Variants in DHX57 observed in about 807,000 individuals in gnomAD.
DHX57 encodes DExH-box helicase 57, also known as putative ATP-dependent RNA helicase DHX57.
In DHX57, 105 loss-of-function variants were observed where a neutral mutation model predicts 156.2. The observed-to-expected ratio is 0.67, with a 90% CI of 0.57 to 0.79. The LOEUF is 0.79. DHX57 is among the 30% of genes least tolerant of loss of function. The pLI is 0.00. For missense variants in DHX57, 1,847 were observed against 1,661.9 expected, an observed-to-expected ratio of 1.11 and a Z score of -1.94; for synonymous variants, 704 against 595.6, an observed-to-expected ratio of 1.18 and a Z score of -2.65.
At chr2:38,800,246 C>G (rs543256693) in intron 23 of DHX57, among the ~76,000 whole-genome samples, 1 of 149,922 alleles carries the variant, frequency 6.7e-6, no homozygotes, top group Non-Finnish European at 1.5e-5. Flanking sequence ...CCCAGCTACT[C>G]AGGATGCTGA....
intron 15 of DHX57, 141 bp from the exon 16 acceptor site, chr2:38,826,188 G>A: frequency 1.1e-6 from 1 of 912,482 alleles, no homozygotes; most frequent in Admixed American, 2.8e-5. Flanking sequence ...TTGAGCCCCT[G>A]GTAGGAGCAG....
intron 9 of DHX57, among the ~76,000 whole-genome samples, chr2:38,849,228 C>T (rs975569240): frequency 2.0e-5 from 3 of 152,058 alleles, no homozygotes; most frequent in Non-Finnish European, 2.9e-5. Flanking sequence ...GAAGCAGATA[C>T]AAGGAATAAG....
rs1672182741 is a variant in DHX57, at chr2:38,844,808, T to C, written c.2220-1598A>G. Among the ~76,000 whole-genome samples the C allele has an allele frequency of 2.0e-5, 3 of 152,152 alleles. No individual in the cohort carries two copies. The South Asian group carries it at 6.2e-4, about 32-fold the overall frequency. On this transcript the variant is annotated intron_variant, in intron 11 of 23. Transcript: ENST00000457308. ...ACAGATAGTAATAGTATGGCATCTT[T>C]CAGAAATAACAAGTAGTCTGAGAGT...
chr2:38,852,173 T>C (rs1209767781), intron 9 of DHX57, among the ~76,000 whole-genome samples: 1 of 151,796 alleles, frequency 6.6e-6, no homozygotes, highest in Non-Finnish European at 1.5e-5. Flanking sequence ...TCTGGTTATA[T>C]GCCTTCTCTG....
intron 5 of DHX57, among the ~76,000 whole-genome samples, chr2:38,860,364 G>T (rs1000631172): frequency 6.6e-6 from 1 of 152,120 alleles, no homozygotes; most frequent in Non-Finnish European, 1.5e-5. Flanking sequence ...CAGGAGAATC[G>T]CTTGAACCTG....
chr2:38,861,216 C>G lies in DHX57; in HGVS notation c.1194G>C (p.Leu398Phe), dbSNP rs753007218. The G allele has an allele frequency of 6.2e-7, 1 of 1,614,090 alleles. No homozygotes were observed. Among genetic ancestry groups the G allele is most frequent in the Non-Finnish European group, 8.5e-7 (1 of 1,180,012 alleles). The change falls in exon 5 of 24, where the codon TTG becomes TTC. Residue 398 changes from leucine (L) to phenylalanine (F), a missense_variant. Coordinates refer to ENST00000457308, the MANE Select transcript of DHX57 (RefSeq NM_198963.3). ...HISEFLYDKA[L>F]TFAETSEPVV... ...CAGGTTCCGAAGTTTCCGCAAATGTCAAGGCCTTGTCATAAAGAAACTCAG... is the reference window on the plus strand; with the variant it reads ...CAGGTTCCGAAGTTTCCGCAAATGTGAAGGCCTTGTCATAAAGAAACTCAG...
chr2:38,803,123 T>TA (rs879474946), intron 22 of DHX57: 6,695 of 458,852 alleles, frequency 0.015, 2 homozygotes, highest in Middle Eastern at 0.024. Context: ...CACTTGTGTT[T>TA]AAAAAAAAAA....
At chr2:38,866,946 C>A (rs1424196446) in intron 2 of DHX57, among the ~76,000 whole-genome samples, 2 of 152,216 alleles carry the variant, frequency 1.3e-5, no homozygotes, top group East Asian at 3.8e-4. Context: ...TAGGCCTTCA[C>A]ATTCACTCAC....
chr2:38,831,517 T>C (rs192314723), intron 13 of DHX57, among the ~76,000 whole-genome samples: 109 of 152,230 alleles, frequency 7.2e-4, no homozygotes, highest in African/African-American at 2.3e-3. Flanking sequence ...TCTGATTTTT[T>C]TGCTATGCTT....
At chr2:38,856,527 CAG>C in intron 6 of DHX57, 66 bp from the exon 7 acceptor site, 1 of 1,381,486 alleles carries the variant, frequency 7.2e-7, no homozygotes, top group South Asian at 1.4e-5. Context: ...TTTTTTGAGA[CAG>C]GGTCTCACTC....
Position 38,815,597 on chromosome 2 carries a change from C to T in DHX57, c.3530G>A (p.Arg1177Lys). Reference protein sequence around the residue: ...TELLSDIGFAREGLRAREIEK... With the variant: ...TELLSDIGFAKEGLRAREIEK... ...AATTTCCCTTGCTCTGAGCCCTTCC[C>T]TTGCAAACCCTATATCCGATAACAG... Residue 1177 changes from arginine to lysine, a missense_variant, in exon 20 of 24, where the codon AGG becomes AAG. Transcript: ENST00000457308. 6.2e-7 allele frequency: 1 copy of T among 1,614,152 alleles called. No homozygotes were observed.
At chr2:38,833,499 G>C (rs1035043175) in intron 13 of DHX57, among the ~76,000 whole-genome samples, 3 of 152,082 alleles carry the variant, frequency 2.0e-5, no homozygotes, top group Admixed American at 6.6e-5. Context: ...AGATAGGGTG[G>C]TCTGTAGAGG....
At chr2:38,822,671 A>G (rs992876643) in intron 17 of DHX57, among the ~76,000 whole-genome samples, 7 of 152,228 alleles carry the variant, frequency 4.6e-5, no homozygotes, top group African/African-American at 1.7e-4. Flanking sequence ...CGGGGATTAC[A>G]GGCATAAGCC....
In DHX57 at chr2:38,856,320, T is replaced by C; in HGVS notation, c.1709+20A>G. Reference sequence around the variant, plus strand: ...AATATTTATAGATGAAAGCTACAGATGAATAAACTGCATTCTTACCCAGTC... The same window carrying C: ...AATATTTATAGATGAAAGCTACAGACGAATAAACTGCATTCTTACCCAGTC... On this transcript the variant is annotated intron_variant, in intron 7 of 23. Coordinates refer to ENST00000457308, the MANE Select transcript of DHX57 (RefSeq NM_198963.3). The C allele has an allele frequency of 6.2e-7, 1 of 1,602,034 alleles. No individual in the cohort carries two copies.
At chr2:38,801,861 T>A (rs913447130) in intron 23 of DHX57, among the ~76,000 whole-genome samples, 3 of 151,992 alleles carry the variant, frequency 2.0e-5, no homozygotes, top group African/African-American at 7.3e-5. Context: ...CCTCCCAAAG[T>A]GCTGGGATTA....
At chr2:38,813,330 T>C (rs1670366636) in intron 21 of DHX57, among the ~76,000 whole-genome samples, 1 of 152,196 alleles carries the variant, frequency 6.6e-6, no homozygotes, top group Admixed American at 6.5e-5. Flanking sequence ...TTGAATAATG[T>C]ATCCAAACAG....
rs1233300249 is a variant in DHX57, at chr2:38,861,835, T to C, written c.575A>G (p.Tyr192Cys). The change falls in exon 5 of 24, where the codon TAT becomes TGT. Residue 192 changes from tyrosine to cysteine, a missense_variant and splice_region_variant. Physicochemically the swap from Tyr to Cys is radical, Grantham distance 194. Coordinates refer to ENST00000457308, the MANE Select transcript of DHX57 (RefSeq NM_198963.3). Reference sequence around the variant, plus strand: ...TTGACAGCGTTCAGTATTGAAACCATACCTGTCAAGGGCAAAACATGACAA... The same window carrying C: ...TTGACAGCGTTCAGTATTGAAACCACACCTGTCAAGGGCAAAACATGACAA... Reference protein sequence around the residue: ...SPFAVQKLSRYGFNTERCQAV... With the variant: ...SPFAVQKLSRCGFNTERCQAV... 2.5e-6 allele frequency: 4 copies of C among 1,587,788 alleles called. No individual in the cohort carries two copies. Among genetic ancestry groups the C allele is most frequent in the African/African-American group, 1.3e-5 (1 of 74,148 alleles).
At chr2:38,860,947 C>T (rs1673158762) in intron 5 of DHX57, 52 bp downstream of exon 5, 10 of 1,523,432 alleles carry the variant, frequency 6.6e-6, no homozygotes, top group Non-Finnish European at 9.0e-6. Context: ...GCTTTGACTT[C>T]TAAACCCATC....
intron 6 of DHX57, chr2:38,856,709 C>A: frequency 3.4e-6 from 1 of 291,224 alleles, no homozygotes. Context: ...ACCATGTTGC[C>A]CAGGCTGGCC....
Sources: allele counts gnomAD v4.1 joint callset (sites outside exome capture counted in the v4.1 genomes callset), GRCh38; gene constraint gnomAD v4.1.1; transcripts MANE v1.5; gene names NCBI Gene and HGNC (gene_info 2026-07-23, HGNC 2026-07-21).